SLC9A2: variants seen among roughly 807,000 people sequenced by gnomAD.
SLC9A2 encodes sodium/hydrogen exchanger 2.
Under a neutral mutation model 71.7 loss-of-function variants are expected in SLC9A2, and 42 were observed. The observed-to-expected ratio is 0.59, with a 90% CI of 0.46 to 0.76. The LOEUF (loss-of-function observed/expected upper bound fraction) is 0.76. SLC9A2 is among the 30% of genes least tolerant of loss of function. The pLI is 0.00. For synonymous variants in SLC9A2, 396 were observed against 392.5 expected (o/e 1.01, Z -0.10); for missense variants, 829 against 1,017.4 (o/e 0.81, Z 2.52).
chr2:102,666,379 A>G (rs533094055), intron 3 of SLC9A2, among the ~76,000 whole-genome samples: 12 of 152,026 alleles, frequency 7.9e-5, no homozygotes, highest in African/African-American at 2.9e-4. Context: ...TTGTATTTTT[A>G]GTAGAGACGG....
chr2:102,673,314 G>A (rs1432557348), intron 3 of SLC9A2, among the ~76,000 whole-genome samples: 1 of 152,090 alleles, frequency 6.6e-6, no homozygotes, highest in East Asian at 1.9e-4. Context: ...GTACTTGACT[G>A]GCTTATGAAA....
intron 5 of SLC9A2, among the ~76,000 whole-genome samples, chr2:102,687,036 A>G (rs1212982609): frequency 6.6e-6 from 1 of 152,200 alleles, no homozygotes; most frequent in East Asian, 1.9e-4. Flanking sequence ...TAGAGCCCGC[A>G]GGTGTAGAGA....
chr2:102,640,596 T>TAGGG (rs1676556180), intron 1 of SLC9A2, among the ~76,000 whole-genome samples: 1 of 152,148 alleles, frequency 6.6e-6, no homozygotes, highest in South Asian at 2.1e-4. Flanking sequence ...AGGGCAGGCA[T>TAGGG]AGGGAGGGTG....
chr2:102,642,881 G>A (rs1676636508), intron 1 of SLC9A2, among the ~76,000 whole-genome samples: 2 of 152,102 alleles, frequency 1.3e-5, no homozygotes, highest in Admixed American at 1.3e-4. Context: ...TTGGTTGAGG[G>A]CTATTCATAT....
intron 3 of SLC9A2, among the ~76,000 whole-genome samples, chr2:102,668,465 C>T (rs929740559): frequency 6.6e-6 from 1 of 152,192 alleles, no homozygotes; most frequent in Non-Finnish European, 1.5e-5. Context: ...TGCATATCTA[C>T]ACACACGCCT....
At chr2:102,635,905 C>G (rs1423617178) in intron 1 of SLC9A2, among the ~76,000 whole-genome samples, 1 of 141,740 alleles carries the variant, frequency 7.1e-6, no homozygotes, top group African/African-American at 2.6e-5. Flanking sequence ...TTTTTTTGAT[C>G]TTTTTCTTTT....
chr2:102,700,478 G>A (rs1358146139), intron 7 of SLC9A2, among the ~76,000 whole-genome samples: 1 of 152,186 alleles, frequency 6.6e-6, no homozygotes, highest in South Asian at 2.1e-4. Context: ...TGGTGTCCTG[G>A]AAGCCAAATG....
At chr2:102,655,545 C>T (rs1676923227) in intron 1 of SLC9A2, among the ~76,000 whole-genome samples, 1 of 152,156 alleles carries the variant, frequency 6.6e-6, no homozygotes, top group Non-Finnish European at 1.5e-5. Context: ...ACATACACAT[C>T]GGCCTAAGTC....
rs771083625 is a variant in SLC9A2, at chr2:102,619,963, G to T, written c.115G>T (p.Ala39Ser). The change falls in exon 1 of 12, where the codon GCG (alanine) becomes TCG (serine). Residue 39 changes from alanine to serine, a missense_variant. Ala to Ser is a moderately conservative substitution (Grantham distance 99). Coordinates refer to ENST00000233969, the MANE Select transcript of SLC9A2 (RefSeq NM_003048.6). This position sits in a 1 kb window ranked among gnomAD's most constrained non-coding sequence, Gnocchi z 4.3. The stretch of plus-strand genomic sequence containing the variant: ...CGCCCTGGCGGAGACCTTGCTGAAC[G>T]CGCCGAGGGCCATGGGCACCAGTTC... ...VGALAETLLN[A>S]PRAMGTSSSP... 6.2e-7 allele frequency: 1 copy of T among 1,612,522 alleles called. No individual in the cohort carries two copies. Among genetic ancestry groups the T allele is most frequent in the South Asian group, 1.1e-5 (1 of 90,912 alleles).
At chr2:102,642,137 G>GAAGT (rs1181028362) in intron 1 of SLC9A2, among the ~76,000 whole-genome samples, 1 of 152,112 alleles carries the variant, frequency 6.6e-6, no homozygotes, top group Non-Finnish European at 1.5e-5. Flanking sequence ...TTCTAGGAAG[G>GAAGT]AAGAATCCTT....
intron 2 of SLC9A2, among the ~76,000 whole-genome samples, chr2:102,658,798 TTACCCACA>T (rs1676996073): frequency 1.3e-5 from 2 of 152,072 alleles, no homozygotes; most frequent in Non-Finnish European, 2.9e-5. Context: ...GCCTCTCCTT[TTACCCACA>T]TACCTCCAAA....
chr2:102,635,662 G>A (rs1243318189), intron 1 of SLC9A2, among the ~76,000 whole-genome samples: 1 of 152,136 alleles, frequency 6.6e-6, no homozygotes, highest in African/African-American at 2.4e-5. Flanking sequence ...AAGTAACACT[G>A]TTTTATATTT....
chr2:102,674,470 T>C (rs946917913), intron 3 of SLC9A2, among the ~76,000 whole-genome samples: 31 of 152,186 alleles, frequency 2.0e-4, no homozygotes, highest in African/African-American at 7.5e-4. Flanking sequence ...ATGTACTCAC[T>C]CCTGCTGCTG....
intron 5 of SLC9A2, among the ~76,000 whole-genome samples, chr2:102,687,333 C>T (rs1677565596): frequency 6.6e-6 from 1 of 152,180 alleles, no homozygotes; most frequent in Admixed American, 6.5e-5. Context: ...CAAATACACA[C>T]ATACTCCCTT....
intron 2 of SLC9A2, among the ~76,000 whole-genome samples, chr2:102,658,882 C>T (rs1031850270): frequency 2.6e-5 from 4 of 152,052 alleles, no homozygotes; most frequent in Non-Finnish European, 5.9e-5. Flanking sequence ...TTAGGGAGCA[C>T]TGATGATGCT....
chr2:102,632,018 A>G (rs1191099696), intron 1 of SLC9A2, among the ~76,000 whole-genome samples: 1 of 131,018 alleles, frequency 7.6e-6, no homozygotes, highest in Non-Finnish European at 1.6e-5. Context: ...ATATATATAT[A>G]TATATATATA....
intron 3 of SLC9A2, among the ~76,000 whole-genome samples, chr2:102,680,614 G>A (rs148881300): frequency 6.8e-4 from 103 of 152,222 alleles, no homozygotes; most frequent in African/African-American, 2.4e-3. Context: ...CTTGGTTCAG[G>A]ATACAGTTTA....
At chr2:102,628,470 T>C (rs1676292817) in intron 1 of SLC9A2, among the ~76,000 whole-genome samples, 1 of 152,118 alleles carries the variant, frequency 6.6e-6, no homozygotes, top group African/African-American at 2.4e-5. Flanking sequence ...GAAACTCTTC[T>C]CAAAGATGAA....
intron 1 of SLC9A2, among the ~76,000 whole-genome samples, chr2:102,646,695 G>T (rs867320152): frequency 2.0e-5 from 3 of 150,382 alleles, no homozygotes; most frequent in Non-Finnish European, 4.4e-5. Flanking sequence ...AACCAACAAA[G>T]ATCAAAAAAG....
Sources: allele counts gnomAD v4.1 joint callset (sites outside exome capture counted in the v4.1 genomes callset), GRCh38; gene constraint gnomAD v4.1.1; non-coding constraint Gnocchi (gnomAD v3.1); transcripts MANE v1.5; gene names NCBI Gene and HGNC (gene_info 2026-07-23, HGNC 2026-07-21).